The following SFPQ variants were observed in gnomAD, a reference collection of about 807,000 sequenced individuals.
The protein encoded by SFPQ is splicing factor proline and glutamine rich, also known as splicing factor, proline- and glutamine-rich.
SFPQ carries 11 observed loss-of-function variants against 72.9 expected under a neutral mutation model. The ratio of observed to expected loss-of-function variants is 0.15; its 90% CI spans 0.09 to 0.25. The LOEUF is 0.25. SFPQ is among the 10% of genes least tolerant of loss of function. The pLI, the probability that SFPQ is intolerant of heterozygous loss-of-function variation, is 1.00. For missense variants in SFPQ, 847 were observed against 993.3 expected (o/e 0.85, Z 1.98); for synonymous variants, 506 against 367.3 (o/e 1.38, Z -4.32).
rs1252275851 is a variant in SFPQ, at chr1:35,192,157, C to A, written c.828+65G>T. 4.8e-6 allele frequency: 6 copies of A among 1,239,280 alleles called. No individual in the cohort carries two copies. In the African/African-American group the frequency reaches 6.3e-5, roughly 13 times the overall value. 76.8% of individuals were successfully genotyped at this position (1,239,280 alleles called of 1,614,324 possible). ...ACAAAATGGAAGCCCAGCGCGGGGG[C>A]GGGGGCGAGGAGGGGGCCGCCGCCA... On this transcript the variant is annotated intron_variant, in intron 1 of 9. Transcript: ENST00000357214.
At chr1:35,190,637 T>C (rs772444737) in intron 3 of SFPQ, 44 bp from the exon 4 acceptor site, 3 of 1,608,702 alleles carry the variant, frequency 1.9e-6, no homozygotes, top group South Asian at 1.1e-5. Context: ...TCCAGTTTTA[T>C]TGCCACCATT....
downstream of SFPQ, chr1:35,181,895 T>A (rs1639484691): frequency 1.0e-6 from 1 of 985,190 alleles, no homozygotes; most frequent in South Asian, 4.7e-5. Flanking sequence ...CATTGCTGTT[T>A]TAGTGATGAA....
Position 35,192,726 on chromosome 1 carries a change from C to T in SFPQ, c.324G>A (p.Lys108=), listed in dbSNP as rs768749556. Residue 108 remains lysine, a synonymous_variant, in exon 1 of 10, where the codon AAG becomes AAA. Transcript: ENST00000357214. The stretch of plus-strand genomic sequence containing the variant: ...GGCCGGGTCCCTGAGCAACGACGGG[C>T]TTGGAAGAGTCCTGCGGCGGTGGCG... ...QPPPPPQDSS[K]PVVAQGPGPA... is the part of the protein sequence containing the mutation. 5.0e-5 allele frequency: 75 copies of T among 1,493,784 alleles called. No homozygotes were observed. Among genetic ancestry groups the T allele is most frequent in the Non-Finnish European group, 6.6e-5 (75 of 1,129,936 alleles). The allele number at this position is 1,493,784 out of a possible 1,614,324, so 92.5% of individuals were successfully genotyped here.
rs1346502602 is a variant in SFPQ, at chr1:35,193,115, T to C, written c.-66A>G. The C allele has an allele frequency of 6.0e-6, 9 of 1,488,958 alleles. No homozygotes were observed. The highest frequency in any genetic ancestry group is 8.0e-6 in the Non-Finnish European group (9 of 1,127,580). The allele number at this position is 1,488,958 out of a possible 1,614,324, so 92.2% of individuals were successfully genotyped here. A position where few individuals can be genotyped will look rare whatever the true frequency, so the allele number is the denominator to read the frequency against. On this transcript the variant is annotated 5_prime_UTR_variant, in exon 1 of 10. Transcript: ENST00000357214. ...CGCTCAGGAAACGTGGAGGCCACCT[T>C]GCTTCTCACAAAATGGCGGATGACA...
At chr1:35,187,315 T>G in intron 7 of SFPQ, 64 bp from the exon 8 acceptor site, 3 of 1,418,408 alleles carry the variant, frequency 2.1e-6, no homozygotes, top group South Asian at 2.4e-5. Flanking sequence ...TCTTAAGAAC[T>G]GAGAAATTTT....
chr1:35,190,423 A>C, intron 4 of SFPQ, 75 bp downstream of exon 4: 1 of 1,074,698 alleles, frequency 9.3e-7, no homozygotes, highest in South Asian at 1.4e-5. Context: ...TTTAAGCAAA[A>C]TTGGAAAATC....
downstream of SFPQ, chr1:35,181,638 C>A (rs114089903): frequency 7.2e-3 from 7,641 of 1,060,530 alleles, 26 homozygotes; most frequent in Non-Finnish European, 8.2e-3. Context: ...TAAAAAACAA[C>A]CAGTGTTCCT....
chr1:35,184,291 C>G lies in SFPQ; in HGVS notation c.*165G>C, dbSNP rs1418243240. The G allele has an allele frequency of 7.0e-7, 1 of 1,421,940 alleles. No individual in the cohort carries two copies. Among genetic ancestry groups the G allele is most frequent in the African/African-American group, 1.5e-5 (1 of 66,944 alleles). The allele number at this position is 1,421,940 out of a possible 1,614,324, so 88.1% of individuals were successfully genotyped here. The stretch of plus-strand genomic sequence containing the variant: ...AAAAATTCTCCTGTTCCAAACACTG[C>G]ATTACATAATTTTACCTGCCCAAAC... On this transcript the variant is annotated 3_prime_UTR_variant, in exon 10 of 10. Coordinates refer to ENST00000357214, the MANE Select transcript of SFPQ (RefSeq NM_005066.3).
intron 9 of SFPQ, among the ~76,000 whole-genome samples, chr1:35,186,274 C>T (rs190537768): frequency 2.5e-3 from 375 of 152,300 alleles, no homozygotes; most frequent in African/African-American, 8.6e-3. Context: ...TTGTAAAGCC[C>T]TAATGCAGCC....
chr1:35,191,878 T>G (rs1383193811), intron 1 of SFPQ, among the ~76,000 whole-genome samples: 1 of 152,234 alleles, frequency 6.6e-6, no homozygotes, highest in African/African-American at 2.4e-5. Context: ...GATCTGCGCC[T>G]GCGCTTTTAT....
downstream of SFPQ, chr1:35,180,600 T>C: frequency 4.8e-6 from 5 of 1,049,694 alleles, no homozygotes; most frequent in Non-Finnish European, 5.8e-6. Flanking sequence ...AATGGTGTTT[T>C]CATGAAGCCC....
chr1:35,185,283 A>G (rs536645087), intron 9 of SFPQ, among the ~76,000 whole-genome samples: 3 of 152,338 alleles, frequency 2.0e-5, no homozygotes, highest in South Asian at 2.1e-4. Flanking sequence ...ATATAACCAG[A>G]GACAATTACG....
downstream of SFPQ, chr1:35,181,883 T>A (rs188834586): frequency 2.4e-4 from 235 of 985,220 alleles, no homozygotes; most frequent in African/African-American, 4.0e-3. Context: ...CAACCCTGAG[T>A]ACATTGCTGT....
At chr1:35,177,967 A>G, downstream of SFPQ, 1 of 1,205,110 alleles carries the variant, frequency 8.3e-7, no homozygotes, top group Non-Finnish European at 1.1e-6. Context: ...TGTAGGGGTT[A>G]AGATTTCTAA....
downstream of SFPQ, chr1:35,179,716 A>AC (rs1639389022): frequency 9.5e-7 from 1 of 1,056,330 alleles, no homozygotes; most frequent in Non-Finnish European, 1.1e-6. Flanking sequence ...GGCAAAATTA[A>AC]CCCCCCACCC....
downstream of SFPQ, chr1:35,181,098 C>G (rs1041755318): frequency 9.4e-7 from 1 of 1,064,852 alleles, no homozygotes; most frequent in Non-Finnish European, 1.1e-6. Flanking sequence ...AAAGTACATA[C>G]AAGTCACCAA....
intron 1 of SFPQ, 28 bp downstream of exon 1, chr1:35,192,194 C>A: frequency 7.3e-7 from 1 of 1,377,924 alleles, no homozygotes; most frequent in Non-Finnish European, 9.3e-7. Context: ...CTTAGGGGAG[C>A]CGACGCGTCG....
In SFPQ at chr1:35,189,373, T is replaced by C. The variant is rs185192727; in HGVS notation, c.1425A>G (p.Glu475=). The C allele has an allele frequency of 8.7e-6, 14 of 1,613,524 alleles. No individual in the cohort carries two copies. ...CATGCTGGGCAAAACGAGGAGGGGTTTCTCTCTCCCTAACAATACACAAAA... is the reference window on the plus strand; with the variant it reads ...CATGCTGGGCAAAACGAGGAGGGGTCTCTCTCTCCCTAACAATACACAAAA... ...QKNPMYQKER[E]TPPRFAQHGT... Residue 475 remains glutamate (E), a synonymous_variant, in exon 5 of 10, where the codon GAA becomes GAG. Coordinates refer to ENST00000357214, the MANE Select transcript of SFPQ (RefSeq NM_005066.3).
At chr1:35,187,390 A>G in intron 7 of SFPQ, 139 bp from the exon 8 acceptor site, 2 of 861,818 alleles carry the variant, frequency 2.3e-6, no homozygotes, top group Non-Finnish European at 1.9e-6. Flanking sequence ...TTTGAAATCA[A>G]TATTCTGAAA....
Sources: gnomAD v4.1 joint callset for allele counts (sites outside exome capture counted in the v4.1 genomes callset) on GRCh38, gnomAD v4.1.1 for gene constraint, MANE v1.5 for transcripts, NCBI Gene and HGNC (gene_info 2026-07-23, HGNC 2026-07-21) for gene names.